The following ADAMTS12 variants were observed in gnomAD, a reference collection of about 807,000 sequenced individuals.
The protein encoded by ADAMTS12 is ADAM metallopeptidase with thrombospondin type 1 motif 12.
Under a neutral mutation model 167.8 loss-of-function variants are expected in ADAMTS12, and 118 were observed. That is an observed-to-expected ratio of 0.70 (90% CI 0.61 to 0.82). The LOEUF (loss-of-function observed/expected upper bound fraction) is 0.82. Ranked by LOEUF, ADAMTS12 falls within the 40% of genes least tolerant of loss-of-function variation. The pLI, the probability that ADAMTS12 is intolerant of heterozygous loss-of-function variation, is 0.00. For missense variants in ADAMTS12, 1,916 were observed against 1,998.8 expected (o/e 0.96, Z 0.79); for synonymous variants, 704 against 716.9 (o/e 0.98, Z 0.29).
At chr5:33,873,211 A>T (rs917580051) in intron 2 of ADAMTS12, among the ~76,000 whole-genome samples, 6 of 151,666 alleles carry the variant, frequency 4.0e-5, no homozygotes, top group African/African-American at 1.5e-4. Context: ...GTAGCAAGTG[A>T]TTGTACCCAG....
chr5:33,887,964 C>T (rs1453122908), intron 1 of ADAMTS12: 2 of 152,100 alleles, frequency 1.3e-5, no homozygotes, highest in Admixed American at 6.6e-5. Flanking sequence ...ACGCTGGTCT[C>T]GAATTCCTGA....
rs200366220 is a variant in ADAMTS12, at chr5:33,637,659, T to C, written c.1806A>G (p.Thr602=). 6.2e-7 allele frequency: 1 copy of C among 1,613,672 alleles called. No individual in the cohort carries two copies. Residue 602 remains threonine, a synonymous_variant, in exon 12 of 24, where the codon ACA becomes ACG. Coordinates refer to ENST00000504830, the MANE Select transcript of ADAMTS12 (RefSeq NM_030955.4). ...NVHPCRSEAP[T]FRQMQCSEFD... ...ATTCACTGCACTGCATCTGCCGAAA[T>C]GTTGGTGCCTCTGAGCGACAGGGGT...
intron 5 of ADAMTS12, among the ~76,000 whole-genome samples, chr5:33,666,725 T>G (rs927040036): frequency 6.6e-6 from 1 of 152,108 alleles, no homozygotes; most frequent in Non-Finnish European, 1.5e-5. Flanking sequence ...TCTCTTGACC[T>G]CGTGATCTGC....
At chr5:33,591,394 G>A (rs1747631879) in intron 17 of ADAMTS12, among the ~76,000 whole-genome samples, 8 of 152,158 alleles carry the variant, frequency 5.3e-5, no homozygotes, top group Admixed American at 5.2e-4. Context: ...AACTGAATTT[G>A]TTAAACCCTT....
rs778154722 is a variant in ADAMTS12, at chr5:33,661,981, C to T, written c.975G>A (p.Gln325=). The change falls in exon 6 of 24, where the codon CAG becomes CAA. Residue 325 remains glutamine, a synonymous_variant. Transcript: ENST00000504830. Reference sequence around the variant, plus strand: ...GGTCACTCTTGGGATTGATACTCTTCTGCCACTTGCAGAAGCTAGACAGTG... The same window carrying T: ...GGTCACTCTTGGGATTGATACTCTTTTGCCACTTGCAGAAGCTAGACAGTG... ...EKTLSSFCKW[Q]KSINPKSDLN... 5.6e-6 allele frequency: 9 copies of T among 1,613,156 alleles called. No homozygotes were observed. The Admixed American group carries it at 1.3e-4, about 24-fold the overall frequency.
At chr5:33,704,557 A>G (rs1463045696) in intron 3 of ADAMTS12, among the ~76,000 whole-genome samples, 1 of 151,986 alleles carries the variant, frequency 6.6e-6, no homozygotes, top group Non-Finnish European at 1.5e-5. Context: ...GTGTAAAATA[A>G]TGTCTTATTG....
At chr5:33,844,908 G>A (rs781388646) in intron 2 of ADAMTS12, among the ~76,000 whole-genome samples, 1 of 152,136 alleles carries the variant, frequency 6.6e-6, no homozygotes, top group Non-Finnish European at 1.5e-5. Context: ...GATGCTTATG[G>A]AAAATAGAAA....
At chr5:33,754,576 C>T (rs1745107654) in intron 2 of ADAMTS12, among the ~76,000 whole-genome samples, 2 of 152,242 alleles carry the variant, frequency 1.3e-5, no homozygotes, top group African/African-American at 2.4e-5. Flanking sequence ...GGCACGGTGG[C>T]TCATGCCTGT....
chr5:33,686,898 C>T (rs551975775), intron 3 of ADAMTS12, among the ~76,000 whole-genome samples: 1 of 146,610 alleles, frequency 6.8e-6, no homozygotes, highest in South Asian at 2.2e-4. Flanking sequence ...TATATATACA[C>T]ATATTCTCTA....
intron 5 of ADAMTS12, among the ~76,000 whole-genome samples, chr5:33,680,258 G>A (rs1742059735): frequency 6.6e-6 from 1 of 152,166 alleles, no homozygotes; most frequent in South Asian, 2.1e-4. Context: ...GGAGTCAGGG[G>A]GCAGAGGCCA....
intron 2 of ADAMTS12, among the ~76,000 whole-genome samples, chr5:33,841,025 G>A (rs560943366): frequency 6.6e-6 from 1 of 152,304 alleles, no homozygotes; most frequent in South Asian, 2.1e-4. Flanking sequence ...CCTCCAGTCT[G>A]TGTGGCACAT....
chr5:33,682,500 T>TTTAAGTCTTATATATTAAGACTTACATA (rs1214437053), intron 5 of ADAMTS12, among the ~76,000 whole-genome samples: 2 of 152,174 alleles, frequency 1.3e-5, no homozygotes, highest in African/African-American at 2.4e-5. Context: ...AAGACTTACA[T>TTTAAGTCTTATATATTAAGACTTACATA]TTAAGTCTTA....
chr5:33,641,846 C>T lies in ADAMTS12; in HGVS notation c.1682G>A (p.Gly561Glu). Residue 561 changes from glycine (G) to glutamate (E), a missense_variant, in exon 11 of 24, where the codon GGA (glycine) becomes GAA (glutamate). Transcript: ENST00000504830. ...GCAGAGCCTCTCTGCGCTCTGGACT[C>T]CAGCCCCACAGGTCCTGGAACAGTG... ...WSHCSRTCGAGVQSAERLCNN... is the reference protein window; with the variant it reads ...WSHCSRTCGAEVQSAERLCNN... The T allele has an allele frequency of 6.2e-7, 1 of 1,613,482 alleles. No homozygotes were observed. The highest frequency in any genetic ancestry group is 8.5e-7 in the Non-Finnish European group (1 of 1,179,564).
intron 3 of ADAMTS12, among the ~76,000 whole-genome samples, chr5:33,698,982 C>A (rs1002331634): frequency 1.5e-4 from 23 of 152,122 alleles, no homozygotes; most frequent in African/African-American, 5.3e-4. Context: ...CATGGTGAAA[C>A]CCCGTCTCAA....
At chr5:33,669,767 G>GTT (rs1278298675) in intron 5 of ADAMTS12, among the ~76,000 whole-genome samples, 1 of 151,668 alleles carries the variant, frequency 6.6e-6, no homozygotes, top group East Asian at 1.9e-4. Flanking sequence ...GGAGCAACTA[G>GTT]ATATCCACAG....
Position 33,891,882 on chromosome 5 carries a change from G to C in ADAMTS12, c.-26C>G, listed in dbSNP as rs1332093598. Reference sequence around the variant, plus strand: ...GATTCAGATGTTGAGGAGAAGAAAAGTCAAAAAAGTTTTAGCCCTCAGCTC... The same window carrying C: ...GATTCAGATGTTGAGGAGAAGAAAACTCAAAAAAGTTTTAGCCCTCAGCTC... On this transcript the variant is annotated 5_prime_UTR_variant, in exon 1 of 24. Coordinates refer to ENST00000504830, the MANE Select transcript of ADAMTS12 (RefSeq NM_030955.4). The C allele has an allele frequency of 1.2e-6, 2 of 1,603,756 alleles. No homozygotes were observed. Among genetic ancestry groups the C allele is most frequent in the Non-Finnish European group, 1.7e-6 (2 of 1,175,940 alleles).
intron 22 of ADAMTS12, among the ~76,000 whole-genome samples, chr5:33,543,419 AATTCT>A (rs762772556): frequency 2.0e-5 from 3 of 152,198 alleles, no homozygotes; most frequent in Non-Finnish European, 2.9e-5. Context: ...TTCACACGCG[AATTCT>A]ACCAGAGGTA....
intron 14 of ADAMTS12, among the ~76,000 whole-genome samples, chr5:33,622,528 C>T (rs1210243955): frequency 2.0e-5 from 3 of 152,112 alleles, no homozygotes; most frequent in Non-Finnish European, 2.9e-5. Flanking sequence ...CTGGCGTGCA[C>T]CTGTAGTCCC....
At chr5:33,639,667 T>G (rs1200843852) in intron 11 of ADAMTS12, among the ~76,000 whole-genome samples, 1 of 152,194 alleles carries the variant, frequency 6.6e-6, no homozygotes, top group Non-Finnish European at 1.5e-5. Flanking sequence ...TCTTCCTTGA[T>G]CCAAAGCCTG....
Sources: gnomAD v4.1 joint callset for allele counts (sites outside exome capture counted in the v4.1 genomes callset) on GRCh38, gnomAD v4.1.1 for gene constraint, MANE v1.5 for transcripts, NCBI Gene and HGNC (gene_info 2026-07-23, HGNC 2026-07-21) for gene names.